FLRT3: variants seen among roughly 807,000 people sequenced by gnomAD.
The protein encoded by FLRT3 is leucine-rich repeat transmembrane protein FLRT3.
A neutral mutation model predicts 42.6 loss-of-function variants in FLRT3; 17 were observed. That is an observed-to-expected ratio of 0.40 (90% confidence interval 0.27 to 0.60). FLRT3 has a LOEUF of 0.60. FLRT3 is among the 20% of genes least tolerant of loss of function. FLRT3 has a pLI of 0.44. For synonymous variants in FLRT3, 279 were observed against 286.4 expected (o/e 0.97, Z 0.26); for missense variants, 635 against 789.2 (o/e 0.80, Z 2.34).
intron 1 of FLRT3, among the ~76,000 whole-genome samples, chr20:14,332,334 A>C (rs1335300454): frequency 2.0e-5 from 3 of 152,134 alleles, no homozygotes; most frequent in African/African-American, 7.2e-5. Context: ...GTTGTATCTG[A>C]ATAGAAAACT....
At position 14,325,362 on chromosome 20, in the gene FLRT3, A is replaced by G. The variant is rs2082716756; in HGVS notation, c.*195T>C. 2 of 499,664 alleles carry G rather than the reference A, an allele frequency of 4.0e-6. No individual in the cohort carries two copies. The highest frequency in any genetic ancestry group is 6.9e-6 in the Non-Finnish European group (2 of 290,906). 31.0% of individuals were successfully genotyped at this position (499,664 alleles called of 1,614,324 possible). ...AATTGTGTTCAGGCATCTCCACTAC[A>G]TCAATCGCAGCAGTAACCTGAAATT... On this transcript the variant is annotated 3_prime_UTR_variant, in exon 3 of 3. Coordinates refer to ENST00000341420, the MANE Select transcript of FLRT3 (RefSeq NM_198391.3).
rs1196290800 is a variant in FLRT3 at position 14,327,068 on chromosome 20, C to T, written c.439G>A (p.Glu147Lys). The change falls in exon 3 of 3, where the codon GAG becomes AAG. Residue 147 changes from glutamate (E) to lysine (K), a missense_variant. By Grantham distance (56) the Glu-to-Lys change is moderately conservative. Transcript: ENST00000341420. ...DNSVSAVSIE[E>K]GAFRDSNYLR... Reference sequence around the variant, plus strand: ...TAGTTGCTGTCTCGGAATGCTCCCTCTTCTATGCTAACTGCAGAGACAGAG... The same window carrying T: ...TAGTTGCTGTCTCGGAATGCTCCCTTTTCTATGCTAACTGCAGAGACAGAG... 1 of 1,613,756 alleles carries T rather than the reference C, an allele frequency of 6.2e-7. No individual in the cohort carries two copies. Among genetic ancestry groups the T allele is most frequent in the Admixed American group, 1.7e-5 (1 of 59,978 alleles).
chr20:14,333,186 T>C (rs1244231926), intron 1 of FLRT3, among the ~76,000 whole-genome samples: 1 of 152,154 alleles, frequency 6.6e-6, no homozygotes, highest in Non-Finnish European at 1.5e-5. Context: ...TTATCCAGAC[T>C]ATTTTCTAGC....
At chr20:14,335,105 A>G (rs958745852) in intron 1 of FLRT3, among the ~76,000 whole-genome samples, 1 of 152,160 alleles carries the variant, frequency 6.6e-6, no homozygotes, top group Non-Finnish European at 1.5e-5. Flanking sequence ...AGGGCTTAAA[A>G]CTGTTCAAAA....
At chr20:14,335,294 T>C (rs2082916742) in intron 1 of FLRT3, among the ~76,000 whole-genome samples, 1 of 152,190 alleles carries the variant, frequency 6.6e-6, no homozygotes, top group African/African-American at 2.4e-5. Flanking sequence ...GGAGTTTCTA[T>C]TTGATTGGGC....
chr20:14,334,432 A>T (rs1045732389), intron 1 of FLRT3, among the ~76,000 whole-genome samples: 4 of 152,198 alleles, frequency 2.6e-5, no homozygotes, highest in Non-Finnish European at 2.9e-5. Flanking sequence ...GAGCTGAGAA[A>T]CATCCCTTTT....
intron 1 of FLRT3, among the ~76,000 whole-genome samples, chr20:14,330,166 A>G (rs193008217): frequency 3.5e-4 from 54 of 152,172 alleles, no homozygotes; most frequent in African/African-American, 1.2e-3. Context: ...GAATATTGCC[A>G]GTTTTTAATA....
At position 14,325,878 on chromosome 20, in the gene FLRT3, G is replaced by A. The variant is rs2082725137; in HGVS notation, c.1629C>T (p.Ala543=). 3 of 1,613,910 alleles carry A rather than the reference G, an allele frequency of 1.9e-6. No homozygotes were observed. Among genetic ancestry groups the A allele is most frequent in the Non-Finnish European group, 2.5e-6 (3 of 1,179,878 alleles). The change falls in exon 3 of 3, where the codon GCC becomes GCT. Residue 543 remains alanine, a synonymous_variant. Coordinates refer to ENST00000341420, the MANE Select transcript of FLRT3 (RefSeq NM_198391.3). ...CATACCAACACACTAAAGCAAGAAG[G>A]GCAATGGTAACCAGGGCCACAGCCC... ...IGGAVALVTI[A]LLALVCWYVH...
In FLRT3 at chr20:14,326,005, GTT is replaced by G; in HGVS notation, c.1500_1501del (p.Glu500AspfsTer54). The G allele has an allele frequency of 6.2e-7, 1 of 1,613,942 alleles. No individual in the cohort carries two copies. The highest frequency in any genetic ancestry group is 8.5e-7 in the Non-Finnish European group (1 of 1,179,876). On this transcript the variant is annotated frameshift_variant, in exon 3 of 3. Transcript: ENST00000341420. LOFTEE classifies it high-confidence loss of function. The surrounding 1 kb of genome is among the most constrained non-coding windows in gnomAD (Gnocchi z 5.5). ...AGGGTTGTACATTCGAAGGGGTGCA[GTT>G]TCAGTCTCAATACAAACAGGAGTTT...
intron 1 of FLRT3, among the ~76,000 whole-genome samples, chr20:14,336,572 G>C (rs1384824970): frequency 2.6e-5 from 4 of 152,102 alleles, no homozygotes; most frequent in African/African-American, 9.7e-5. Context: ...TGGATCCTCT[G>C]CAAAACCCAC....
intron 1 of FLRT3, among the ~76,000 whole-genome samples, chr20:14,333,037 A>G (rs1352357517): frequency 2.6e-5 from 4 of 152,020 alleles, no homozygotes; most frequent in African/African-American, 9.7e-5. Flanking sequence ...TTCCATGATC[A>G]TCAGATTTCA....
rs2082680167 is a variant in FLRT3, at chr20:14,323,065, A to G, written c.*2492T>C. ...CTTGTCTTAACAAGTTTTGCCCCATACACCACGCAAGCAATCAGTTCTTCA... is the reference window on the plus strand; with the variant it reads ...CTTGTCTTAACAAGTTTTGCCCCATGCACCACGCAAGCAATCAGTTCTTCA... On this transcript the variant is annotated 3_prime_UTR_variant, in exon 3 of 3. Coordinates refer to ENST00000341420, the MANE Select transcript of FLRT3 (RefSeq NM_198391.3). 3.3e-5 allele frequency: 5 copies of G among 152,136 alleles called. No homozygotes were observed. Among genetic ancestry groups the G allele is most frequent in the Admixed American group, 3.3e-4 (5 of 15,264 alleles). The allele number at this position is 152,136 out of a possible 1,614,324, so 9.4% of individuals were successfully genotyped here. A position where few individuals can be genotyped will look rare whatever the true frequency, so the allele number is the denominator to read the frequency against.
intron 1 of FLRT3, among the ~76,000 whole-genome samples, chr20:14,330,132 G>A (rs1030506136): frequency 6.6e-6 from 1 of 152,000 alleles, no homozygotes; most frequent in Non-Finnish European, 1.5e-5. Flanking sequence ...ACCAGGTGGG[G>A]CATTTCTCTC....
chr20:14,326,223 T>C lies in FLRT3; in HGVS notation c.1284A>G (p.Lys428=), dbSNP rs2082732086. Reference sequence around the variant, plus strand: ...TCAAAGCAGTCATAGGTAGAGCAAGTTTCCAAGAGATATGAATGGTATCAG... The same window carrying C: ...TCAAAGCAGTCATAGGTAGAGCAAGCTTCCAAGAGATATGAATGGTATCAG... ...VTSDTIHISW[K]LALPMTALRL... Residue 428 remains lysine, a synonymous_variant, in exon 3 of 3, where the codon AAA becomes AAG. Transcript: ENST00000341420. This position sits in a 1 kb window ranked among gnomAD's most constrained non-coding sequence, Gnocchi z 5.5. 6.2e-7 allele frequency: 1 copy of C among 1,613,758 alleles called. No homozygotes were observed. The highest frequency in any genetic ancestry group is 8.5e-7 in the Non-Finnish European group (1 of 1,179,860).
intron 1 of FLRT3, among the ~76,000 whole-genome samples, chr20:14,333,524 T>C (rs1031599750): frequency 5.3e-5 from 8 of 152,090 alleles, no homozygotes; most frequent in African/African-American, 1.9e-4. Flanking sequence ...GTGCAGAGTT[T>C]GGGGTGGGGG....
rs2082745276 is a variant in FLRT3 at position 14,326,908 on chromosome 20, C to T, written c.599G>A (p.Ser200Asn). The T allele has an allele frequency of 6.2e-7, 1 of 1,613,664 alleles. No homozygotes were observed. Among genetic ancestry groups the T allele is most frequent in the Non-Finnish European group, 8.5e-7 (1 of 1,179,816 alleles). Residue 200 changes from serine to asparagine, a missense_variant, in exon 3 of 3, where the codon AGT becomes AAT. Transcript: ENST00000341420. This position sits in a 1 kb window ranked among gnomAD's most constrained non-coding sequence, Gnocchi z 5.5. ...TCCATCTAGAACCAGGCGTTTTAGA[C>T]TAGTGAGACCTTGAAGAGATGGTGA... ...ISSPSLQGLTSLKRLVLDGNL... is the reference protein window; with the variant it reads ...ISSPSLQGLTNLKRLVLDGNL...
chr20:14,325,841 C>T lies in FLRT3; in HGVS notation c.1666G>A (p.Gly556Arg). 1.9e-6 allele frequency: 3 copies of T among 1,613,904 alleles called. No individual in the cohort carries two copies. The highest frequency in any genetic ancestry group is 2.5e-6 in the Non-Finnish European group (3 of 1,179,876). ...ALVCWYVHRN[G>R]SLFSRNCAYS... ...GCACAGTTCCTTGAGAAGAGCGATC[C>T]ATTCCTATGAACATACCAACACACT... Residue 556 changes from glycine to arginine, a missense_variant, in exon 3 of 3, where the codon GGA becomes AGA. Transcript: ENST00000341420.
chr20:14,332,224 G>C (rs1170421810), intron 1 of FLRT3, among the ~76,000 whole-genome samples: 2 of 151,918 alleles, frequency 1.3e-5, no homozygotes, highest in African/African-American at 4.8e-5. Context: ...CATTTATAAT[G>C]TAATCATCAA....
In FLRT3 at chr20:14,327,021, G is replaced by A. The variant is rs376839540; in HGVS notation, c.486C>T (p.Ser162=). 8.7e-6 allele frequency: 14 copies of A among 1,613,566 alleles called. No individual in the cohort carries two copies. The highest frequency in any genetic ancestry group is 1.2e-5 in the Non-Finnish European group (14 of 1,179,778). ...AGGGAATTGTGCTAAGGTGATTACG[G>A]GACAGGAAAAGCAGTCGGAGATAGT... is the stretch of plus-strand genomic sequence containing the variant. The part of the protein sequence containing the change: ...DSNYLRLLFL[S]RNHLSTIPWG... The change falls in exon 3 of 3, where the codon TCC becomes TCT. Residue 162 remains serine, a synonymous_variant. Coordinates refer to ENST00000341420, the MANE Select transcript of FLRT3 (RefSeq NM_198391.3).
Sources: allele counts gnomAD v4.1 joint callset (sites outside exome capture counted in the v4.1 genomes callset), GRCh38; gene constraint gnomAD v4.1.1; non-coding constraint Gnocchi (gnomAD v3.1); transcripts MANE v1.5; gene names NCBI Gene and HGNC (gene_info 2026-07-23, HGNC 2026-07-21).